The following PCDH11Y variants were observed in gnomAD, a reference collection of about 807,000 sequenced individuals.
PCDH11Y encodes the protein protocadherin-11 Y-linked.
For missense variants in PCDH11Y, 12 were observed against 224.8 expected, an observed-to-expected ratio of 0.05 and a Z score of 6.05; for synonymous variants, 9 against 83.6, an observed-to-expected ratio of 0.11 and a Z score of 4.87.
At chrY:5,099,763 C>G (rs2052769040) in exon 2 of PCDH11Y, 1 of 393,759 alleles carries the variant, frequency 2.5e-6, no homozygotes, top group Non-Finnish European at 3.5e-6. Context: ...AGTGGTCTTT[C>G]AGGTAATTGC....
intron 4 of PCDH11Y, among the ~76,000 whole-genome samples, chrY:5,669,339 G>T (rs2124708100): frequency 3.1e-5 from 1 of 32,034 alleles, no homozygotes; most frequent in Admixed American, 2.9e-4. Flanking sequence ...ACCCTTTGTA[G>T]CTTCTAGTAA....
At chrY:5,046,144 G>A (rs2052637491) in intron 3 of PCDH11Y, among the ~76,000 whole-genome samples, 1 of 34,193 alleles carries the variant, frequency 2.9e-5, no homozygotes, top group East Asian at 7.9e-4. Context: ...GCTTTGTTCC[G>A]TTGCTGGTGA....
intron 4 of PCDH11Y, among the ~76,000 whole-genome samples, chrY:5,645,595 C>G (rs2124705564): frequency 3.4e-5 from 1 of 29,018 alleles, no homozygotes; most frequent in African/African-American, 1.4e-4. Context: ...ACCCATCTGA[C>G]AAGTGATTCA....
At chrY:5,107,965 A>G (rs1166505677), downstream of PCDH11Y, among the ~76,000 whole-genome samples, 1 of 30,326 alleles carries the variant, frequency 3.3e-5, no homozygotes, top group African/African-American at 1.3e-4. Flanking sequence ...AGGCTGAGGC[A>G]GGAGAATGGC....
intron 4 of PCDH11Y, among the ~76,000 whole-genome samples, chrY:5,694,086 G>A (rs2124711066): frequency 3.1e-5 from 1 of 32,557 alleles, no homozygotes; most frequent in Non-Finnish European, 7.6e-5. Context: ...TGGTTCAGCA[G>A]GCTAACATGA....
At chrY:5,261,429 G>A (rs2124658124) in intron 2 of PCDH11Y, among the ~76,000 whole-genome samples, 2 of 32,978 alleles carry the variant, frequency 6.1e-5, no homozygotes, top group South Asian at 6.8e-4. Flanking sequence ...CCAGGCTGAC[G>A]TGGTCTCAGA....
chrY:5,503,845 G>C, intron 3 of PCDH11Y, among the ~76,000 whole-genome samples: 1 of 32,859 alleles, frequency 3.0e-5, no homozygotes, highest in South Asian at 6.7e-4. Context: ...CTCTGAAATA[G>C]CACCCGATAA....
intron 2 of PCDH11Y, among the ~76,000 whole-genome samples, chrY:5,216,392 T>G: frequency 3.1e-5 from 1 of 32,026 alleles, no homozygotes. Flanking sequence ...TTTTTTTGCA[T>G]GTCAAGAAAT....
chrY:5,200,735 C>T (rs2052925875), intron 2 of PCDH11Y, among the ~76,000 whole-genome samples: 3 of 32,763 alleles, frequency 9.2e-5, no homozygotes, highest in Admixed American at 2.8e-4. Context: ...TACAGGCATG[C>T]GCCACCACAC....
chrY:5,174,139 G>GATATATAT (rs771513755), intron 2 of PCDH11Y, among the ~76,000 whole-genome samples: 3 of 9,854 alleles, frequency 3.0e-4, no homozygotes, highest in Non-Finnish European at 2.2e-4. Flanking sequence ...ATACAAATGT[G>GATATATAT]ATATATATAT....
chrY:5,209,397 C>T, intron 2 of PCDH11Y, among the ~76,000 whole-genome samples: 1 of 33,102 alleles, frequency 3.0e-5, no homozygotes, highest in Admixed American at 2.8e-4. Flanking sequence ...CATATGTATG[C>T]TTCTTCAAAG....
intron 2 of PCDH11Y, among the ~76,000 whole-genome samples, chrY:5,486,710 TATATATATATATATATACAC>T (rs2053332830): frequency 1.2e-4 from 1 of 8,231 alleles, no homozygotes; most frequent in Non-Finnish European, 2.0e-4. Context: ...TATATACACA[TATATATATATATATATACAC>T]ATATATATAT....
At chrY:5,301,749 T>C in intron 2 of PCDH11Y, among the ~76,000 whole-genome samples, 2 of 33,182 alleles carry the variant, frequency 6.0e-5, no homozygotes, top group African/African-American at 2.4e-4. Context: ...TCACAGAGTT[T>C]ATACTAACTT....
chrY:5,710,008 T>C (rs2053585428), intron 4 of PCDH11Y, among the ~76,000 whole-genome samples: 1 of 32,547 alleles, frequency 3.1e-5, no homozygotes, highest in African/African-American at 1.2e-4. Flanking sequence ...CCCATTGAAT[T>C]CTCAGTCAGA....
intron 2 of PCDH11Y, among the ~76,000 whole-genome samples, chrY:5,287,389 A>G: frequency 3.0e-5 from 1 of 33,283 alleles, no homozygotes; most frequent in Admixed American, 2.8e-4. Context: ...AGAGCCAGAA[A>G]TAACATTTAA....
At chrY:5,638,290 C>A in intron 4 of PCDH11Y, among the ~76,000 whole-genome samples, 1 of 30,885 alleles carries the variant, frequency 3.2e-5, no homozygotes, top group Admixed American at 3.1e-4. Flanking sequence ...ACATTTTGAA[C>A]CACATTTCTT....
intron 2 of PCDH11Y, among the ~76,000 whole-genome samples, chrY:5,419,468 C>T: frequency 3.0e-5 from 1 of 33,480 alleles, no homozygotes; most frequent in Non-Finnish European, 7.4e-5. Flanking sequence ...CACATAGACA[C>T]AGCCTAAAAG....
intron 2 of PCDH11Y, among the ~76,000 whole-genome samples, chrY:5,306,286 TAAC>T (rs2053090358): frequency 1.0e-4 from 3 of 28,598 alleles, no homozygotes; most frequent in African/African-American, 3.9e-4. Context: ...GCTGAGCCAA[TAAC>T]ACACACACAC....
chrY:5,652,541 A>AG (rs2053532399), intron 4 of PCDH11Y, among the ~76,000 whole-genome samples: 1 of 32,831 alleles, frequency 3.0e-5, no homozygotes, highest in Admixed American at 2.8e-4. Flanking sequence ...AAAAAAAAAA[A>AG]TGTCCTACTT....
Sources: gnomAD v4.1 joint callset for allele counts (sites outside exome capture counted in the v4.1 genomes callset) on GRCh38, gnomAD v4.1.1 for gene constraint, MANE v1.5 for transcripts, NCBI Gene and HGNC (gene_info 2026-07-23, HGNC 2026-07-21) for gene names.